UST: variants seen among roughly 807,000 people sequenced by gnomAD.
UST encodes the protein uronyl 2-sulfotransferase, also known as chondroitin sulfate 2-O-sulfotransferase.
In UST, 21 loss-of-function variants were observed where a neutral mutation model predicts 45.6. The observed-to-expected ratio is 0.46, with a 90% CI of 0.33 to 0.66. The LOEUF is 0.66. Among genes scored for constraint, UST ranks in the 30% least tolerant of loss-of-function variants. The pLI is 0.02. For missense variants in UST, 463 were observed against 512.4 expected, an observed-to-expected ratio of 0.90 and a Z score of 0.93; for synonymous variants, 215 against 200.6, an observed-to-expected ratio of 1.07 and a Z score of -0.61.
intron 6 of UST, among the ~76,000 whole-genome samples, chr6:149,021,063 G>T (rs898707345): frequency 2.0e-5 from 3 of 152,166 alleles, no homozygotes; most frequent in African/African-American, 7.2e-5. Context: ...CAATACTTAG[G>T]CAGGGCCTCT....
intron 1 of UST, among the ~76,000 whole-genome samples, chr6:148,871,121 T>TCTCTCTCTCTCC (rs765075922): frequency 6.8e-6 from 1 of 146,072 alleles, no homozygotes; most frequent in East Asian, 2.0e-4. Flanking sequence ...TCTCTCCCTC[T>TCTCTCTCTCTCC]CTCTCTCTCT....
chr6:148,972,052 T>C (rs189189730), intron 5 of UST, among the ~76,000 whole-genome samples: 45 of 152,222 alleles, frequency 3.0e-4, no homozygotes, highest in African/African-American at 1.1e-3. Flanking sequence ...ACAAAGACAT[T>C]GAAGACTCAT....
At chr6:148,900,899 A>G (rs749528475) in intron 2 of UST, among the ~76,000 whole-genome samples, 3 of 152,136 alleles carry the variant, frequency 2.0e-5, no homozygotes, top group East Asian at 1.9e-4. Flanking sequence ...GGCCACCAGC[A>G]TTTCTTGACT....
intron 2 of UST, among the ~76,000 whole-genome samples, chr6:148,918,212 G>A (rs1459691754): frequency 3.3e-5 from 5 of 152,172 alleles, no homozygotes; most frequent in Non-Finnish European, 7.3e-5. Context: ...TTGGACTTTG[G>A]TTTCTCATTC....
chr6:148,898,245 A>G (rs1332436004), intron 2 of UST, among the ~76,000 whole-genome samples: 2 of 152,224 alleles, frequency 1.3e-5, no homozygotes, highest in East Asian at 3.8e-4. Flanking sequence ...TGCAAGTGAT[A>G]GGAAAATTAA....
rs1776881839 is a variant in UST at position 149,075,798 on chromosome 6, A to G, written c.*1682A>G. On this transcript the variant is annotated 3_prime_UTR_variant, in exon 8 of 8. Transcript: ENST00000367463. ...TGTCCCCTAGAGCCAGCCCTAGCAA[A>G]TGTGTGAGTTGGGAGTAGTTAATAG... 1 of 152,286 alleles carries G rather than the reference A, an allele frequency of 6.6e-6. No homozygotes were observed. The allele number at this position is 152,286 out of a possible 1,614,324, so 9.4% of individuals were successfully genotyped here.
chr6:148,765,163 C>G (rs1268406011), intron 1 of UST, among the ~76,000 whole-genome samples: 5 of 152,136 alleles, frequency 3.3e-5, no homozygotes, highest in African/African-American at 1.2e-4. Flanking sequence ...CTTAAGGTGC[C>G]CAGATTTCAT....
intron 1 of UST, among the ~76,000 whole-genome samples, chr6:148,824,681 T>TC (rs1777535081): frequency 6.6e-6 from 1 of 150,496 alleles, no homozygotes; most frequent in African/African-American, 2.4e-5. Flanking sequence ...TTTCTTTTTT[T>TC]TTTTTTTTTT....
chr6:148,750,741 A>G (rs1358451578), intron 1 of UST, among the ~76,000 whole-genome samples: 3 of 152,226 alleles, frequency 2.0e-5, no homozygotes, highest in Non-Finnish European at 2.9e-5. Flanking sequence ...GAGAAGGGAA[A>G]TAATTCAAGC....
In UST at chr6:148,917,180, C is replaced by G. The variant is rs574419686; in HGVS notation, c.292-24099C>G. Reference sequence around the variant, plus strand: ...AGGCTGCTTAGGGCAGCAGCACCCCCCCACCCTCCTTTCTTCCCCCTCAGC... The same window carrying G: ...AGGCTGCTTAGGGCAGCAGCACCCCGCCACCCTCCTTTCTTCCCCCTCAGC... On this transcript the variant is annotated intron_variant, in intron 2 of 7. Transcript: ENST00000367463. Among the ~76,000 whole-genome samples, 12 of 152,326 alleles carry G rather than the reference C, an allele frequency of 7.9e-5. No individual in the cohort carries two copies. In the East Asian group the frequency reaches 2.3e-3, roughly 29 times the overall value.
intron 7 of UST, among the ~76,000 whole-genome samples, chr6:149,035,233 C>A (rs1776224153): frequency 6.6e-6 from 1 of 151,968 alleles, no homozygotes; most frequent in East Asian, 1.9e-4. Flanking sequence ...GCCTTTCTTT[C>A]TTCTTTTTAT....
In UST at chr6:148,775,658, C is replaced by T. The variant is rs574547392; in HGVS notation, c.247+27981C>T. ...TTTTTTTGGGGCGGGGAGAGAGTCT[C>T]ACTCTATCCCCCAGGCTGGAGTGCA... On this transcript the variant is annotated intron_variant, in intron 1 of 7. Transcript: ENST00000367463. 9.9e-4 allele frequency among the ~76,000 whole-genome samples: 150 copies of T among 151,148 alleles called. No homozygotes were observed. The South Asian group carries it at 0.029, about 29-fold the overall frequency.
intron 2 of UST, among the ~76,000 whole-genome samples, chr6:148,913,112 G>A (rs996672133): frequency 2.0e-5 from 3 of 152,212 alleles, no homozygotes; most frequent in African/African-American, 7.2e-5. Context: ...GATTAGTGGA[G>A]CCAGTAAGGA....
chr6:148,844,798 T>C (rs1327519023), intron 1 of UST, among the ~76,000 whole-genome samples: 2 of 152,138 alleles, frequency 1.3e-5, no homozygotes, highest in African/African-American at 4.8e-5. Context: ...CCTGCCCCTG[T>C]AGTAGGTTGC....
chr6:149,066,984 C>G (rs1039055058), intron 7 of UST, among the ~76,000 whole-genome samples: 16 of 152,012 alleles, frequency 1.1e-4, no homozygotes, highest in African/African-American at 3.6e-4. Flanking sequence ...TACCTCATAA[C>G]CCAGGGAGGT....
chr6:148,827,068 C>T (rs1777582797), intron 1 of UST, among the ~76,000 whole-genome samples: 1 of 152,206 alleles, frequency 6.6e-6, no homozygotes, highest in Non-Finnish European at 1.5e-5. Context: ...ATTCTACCTA[C>T]CAATAAATAA....
chr6:148,846,964 TGAGTGAGGCAGGCTG>T (rs1778003180), intron 1 of UST, among the ~76,000 whole-genome samples: 1 of 152,248 alleles, frequency 6.6e-6, no homozygotes, highest in Non-Finnish European at 1.5e-5. Context: ...TGGGCTCTCC[TGAGTGAGGCAGGCTG>T]GTGAGTCCCA....
chr6:148,900,115 A>G (rs1261399842), intron 2 of UST, among the ~76,000 whole-genome samples: 1 of 151,992 alleles, frequency 6.6e-6, no homozygotes, highest in African/African-American at 2.4e-5. Flanking sequence ...TATGATCCCC[A>G]ATTTATCCTT....
At chr6:149,017,797 TATACACACACACAC>T (rs1444836465) in intron 5 of UST, among the ~76,000 whole-genome samples, 63 of 59,452 alleles carry the variant, frequency 1.1e-3, no homozygotes, top group Admixed American at 4.3e-3. Flanking sequence ...AATATCCATA[TATACACACACACAC>T]ACACACACAC....
Sources: allele counts gnomAD v4.1 joint callset (sites outside exome capture counted in the v4.1 genomes callset), GRCh38; gene constraint gnomAD v4.1.1; transcripts MANE v1.5; gene names NCBI Gene and HGNC (gene_info 2026-07-23, HGNC 2026-07-21).